B3GAT2: variants seen among roughly 807,000 people sequenced by gnomAD.
B3GAT2 encodes beta-1,3-glucuronyltransferase 2, also known as galactosylgalactosylxylosylprotein 3-beta-glucuronosyltransferase 2.
In B3GAT2, 26 loss-of-function variants were observed where a neutral mutation model predicts 27.8. The ratio of observed to expected loss-of-function variants is 0.93; its 90% CI spans 0.68 to 1.30. The LOEUF is 1.30. Among genes scored for constraint, B3GAT2 ranks in the 50% most tolerant of loss-of-function variants. The pLI is 0.00. For synonymous variants in B3GAT2, 218 were observed against 195.1 expected (o/e 1.12, Z -0.98); for missense variants, 458 against 459.0 (o/e 1.00, Z 0.02).
At chr6:70,870,177 G>A (rs1266891160) in intron 2 of B3GAT2, among the ~76,000 whole-genome samples, 2 of 151,934 alleles carry the variant, frequency 1.3e-5, no homozygotes, top group Non-Finnish European at 2.9e-5. Context: ...TTAAGAAAAT[G>A]TGGCACATAT....
At chr6:70,943,674 A>C (rs937519186) in intron 1 of B3GAT2, among the ~76,000 whole-genome samples, 2 of 152,204 alleles carry the variant, frequency 1.3e-5, no homozygotes, top group African/African-American at 4.8e-5. Flanking sequence ...AAAAGACTAC[A>C]GTTTATATAC....
At chr6:70,908,888 T>C (rs57432883) in intron 1 of B3GAT2, among the ~76,000 whole-genome samples, 82 of 152,268 alleles carry the variant, frequency 5.4e-4, no homozygotes, top group African/African-American at 1.9e-3. Flanking sequence ...AAAAGTAAAA[T>C]GGAGAGAACC....
intron 1 of B3GAT2, among the ~76,000 whole-genome samples, chr6:70,914,659 G>A (rs1259207298): frequency 4.6e-5 from 7 of 152,010 alleles, no homozygotes; most frequent in African/African-American, 1.5e-4. Context: ...ACTTTGAAAA[G>A]TTACTAGTAA....
chr6:70,889,786 ATTTT>A (rs5877266), intron 2 of B3GAT2, among the ~76,000 whole-genome samples: 1 of 141,780 alleles, frequency 7.1e-6, no homozygotes. Context: ...TAGAAACCTA[ATTTT>A]TTTTTTTTTT....
intron 1 of B3GAT2, among the ~76,000 whole-genome samples, chr6:70,918,308 A>G (rs1448695580): frequency 2.0e-5 from 3 of 152,034 alleles, no homozygotes; most frequent in Non-Finnish European, 2.9e-5. Flanking sequence ...CATGTGAGAT[A>G]GGTCTCCTGA....
At position 70,858,373 on chromosome 6, in the gene B3GAT2, G is replaced by T. The variant is rs189839586; in HGVS notation, c.*3290C>A. 11 of 639,820 alleles carry T rather than the reference G, an allele frequency of 1.7e-5. No homozygotes were observed. In the Admixed American group the frequency reaches 4.2e-4, roughly 24 times the overall value. The allele number at this position is 639,820 out of a possible 1,614,324, so 39.6% of individuals were successfully genotyped here. A position where few individuals can be genotyped will look rare whatever the true frequency, so the allele number is the denominator to read the frequency against. ...GGGATAATATGTTATAGGGTCAAAAGTATCTATAAATATTATGAAGTTGTA... is the reference window on the plus strand; with the variant it reads ...GGGATAATATGTTATAGGGTCAAAATTATCTATAAATATTATGAAGTTGTA... On this transcript the variant is annotated 3_prime_UTR_variant, in exon 4 of 4. Coordinates refer to ENST00000230053, the MANE Select transcript of B3GAT2 (RefSeq NM_080742.3).
At chr6:70,926,908 G>A (rs1370180461) in intron 1 of B3GAT2, among the ~76,000 whole-genome samples, 1 of 152,152 alleles carries the variant, frequency 6.6e-6, no homozygotes, top group Non-Finnish European at 1.5e-5. Context: ...AGGAAAAAAT[G>A]GTAAGGGCAG....
At chr6:70,872,363 C>T (rs185570765) in intron 2 of B3GAT2, among the ~76,000 whole-genome samples, 67 of 151,844 alleles carry the variant, frequency 4.4e-4, no homozygotes, top group Non-Finnish European at 4.4e-4. Context: ...TATTTTGGAG[C>T]TCTGCTGTAA....
chr6:70,942,545 C>T (rs59656470), intron 1 of B3GAT2, among the ~76,000 whole-genome samples: 1 of 152,286 alleles, frequency 6.6e-6, no homozygotes, highest in South Asian at 2.1e-4. Flanking sequence ...CAATCAACAA[C>T]TCCATTAGGG....
intron 1 of B3GAT2, among the ~76,000 whole-genome samples, chr6:70,933,701 G>A (rs16869607): frequency 0.23 from 35,446 of 152,110 alleles, 4,396 homozygotes; most frequent in Non-Finnish European, 0.28. Flanking sequence ...TGGACCATAC[G>A]TAAATCTGCA....
intron 1 of B3GAT2, among the ~76,000 whole-genome samples, chr6:70,899,387 T>C (rs536283802): frequency 6.6e-6 from 1 of 152,332 alleles, no homozygotes; most frequent in East Asian, 1.9e-4. Flanking sequence ...GCCAATTTCA[T>C]GCTAGAAAAT....
At chr6:70,892,480 T>G (rs941021061) in intron 2 of B3GAT2, among the ~76,000 whole-genome samples, 1 of 152,196 alleles carries the variant, frequency 6.6e-6, no homozygotes, top group African/African-American at 2.4e-5. Context: ...TAAGGAGATA[T>G]GTCTGGGAAG....
chr6:70,865,883 T>C (rs1254194140), intron 2 of B3GAT2, among the ~76,000 whole-genome samples: 4 of 152,162 alleles, frequency 2.6e-5, no homozygotes, highest in South Asian at 2.1e-4. Context: ...CCCCTACAAC[T>C]GCCCCAGCTT....
chr6:70,894,217 C>A lies in B3GAT2; in HGVS notation c.647G>T (p.Arg216Leu). 6.2e-7 allele frequency: 1 copy of A among 1,613,782 alleles called. No individual in the cohort carries two copies. The change falls in exon 2 of 4, where the codon CGC (arginine) becomes CTC (leucine). Residue 216 changes from arginine (R) to leucine (L), a missense_variant. Transcript: ENST00000230053. ...VWPVGLVGGR[R>L]YERPLVENGK... ...GTTTTCCACCAGCGGACGTTCGTAGCGCCGCCCACCAACCAGGCCCACAGG... is the reference window on the plus strand; with the variant it reads ...GTTTTCCACCAGCGGACGTTCGTAGAGCCGCCCACCAACCAGGCCCACAGG...
intron 2 of B3GAT2, among the ~76,000 whole-genome samples, chr6:70,868,636 TG>T (rs1771888634): frequency 6.6e-6 from 1 of 152,218 alleles, no homozygotes; most frequent in Non-Finnish European, 1.5e-5. Flanking sequence ...ATAATCACTC[TG>T]GGTAGTTGTC....
intron 2 of B3GAT2, among the ~76,000 whole-genome samples, chr6:70,892,607 G>C (rs1772309307): frequency 6.6e-6 from 1 of 152,210 alleles, no homozygotes; most frequent in African/African-American, 2.4e-5. Context: ...AGAGTTCCAA[G>C]GTGGGAGGCC....
intron 1 of B3GAT2, among the ~76,000 whole-genome samples, chr6:70,947,093 G>C (rs1765499487): frequency 6.6e-6 from 1 of 151,630 alleles, no homozygotes; most frequent in African/African-American, 2.4e-5. Context: ...TGTGTAGAGG[G>C]AAATTTATAG....
intron 2 of B3GAT2, among the ~76,000 whole-genome samples, chr6:70,884,474 C>A (rs551372384): frequency 6.0e-4 from 91 of 152,322 alleles, no homozygotes; most frequent in Non-Finnish European, 9.6e-4. Flanking sequence ...CCTGGAGATG[C>A]AGGCAGACCC....
At chr6:70,914,221 A>G (rs971421451) in intron 1 of B3GAT2, among the ~76,000 whole-genome samples, 5 of 152,052 alleles carry the variant, frequency 3.3e-5, no homozygotes, top group Admixed American at 3.3e-4. Context: ...CCATGCTGGT[A>G]TGCTGCACCC....
Sources: allele counts gnomAD v4.1 joint callset (sites outside exome capture counted in the v4.1 genomes callset), GRCh38; gene constraint gnomAD v4.1.1; transcripts MANE v1.5; gene names NCBI Gene and HGNC (gene_info 2026-07-23, HGNC 2026-07-21).